Variants in HHIPL1 observed in about 807,000 individuals in gnomAD.
HHIPL1 encodes HHIP-like protein 1.
HHIPL1 carries 43 observed loss-of-function variants against 61.8 expected under a neutral mutation model. The ratio of observed to expected loss-of-function variants is 0.70; its 90% confidence interval spans 0.55 to 0.90. The LOEUF (loss-of-function observed/expected upper bound fraction) is 0.90. Among genes scored for constraint, HHIPL1 ranks in the 40% least tolerant of loss-of-function variants. HHIPL1 has a pLI of 0.00. For missense variants in HHIPL1, 1,056 were observed against 1,157.7 expected (o/e 0.91, Z 1.28); for synonymous variants, 482 against 515.8 (o/e 0.93, Z 0.89).
the HHIPL1 span, among the ~76,000 whole-genome samples, chr14:99,623,267 C>T: frequency 6.6e-6 from 1 of 152,184 alleles, no homozygotes; most frequent in East Asian, 1.9e-4. Flanking sequence ...TGCCTATTAC[C>T]CTTTAAGGCT....
intron 4 of HHIPL1, 88 bp downstream of exon 4, chr14:99,659,844 G>C (rs1156564992): frequency 1.7e-4 from 52 of 308,026 alleles, no homozygotes; most frequent in South Asian, 5.8e-4. Context: ...CTCGGAGACC[G>C]CACCCCCCCC....
At chr14:99,627,094 A>G in the HHIPL1 span, among the ~76,000 whole-genome samples, 3 of 152,012 alleles carry the variant, frequency 2.0e-5, no homozygotes, top group African/African-American at 7.3e-5. The surrounding 1 kb of genome is among the most constrained non-coding windows in gnomAD (Gnocchi z 4.4). Context: ...TCACCCATCC[A>G]TCTATCCAGC....
intron 3 of HHIPL1, 61 bp from the exon 4 acceptor site, chr14:99,659,367 G>A: frequency 7.6e-7 from 1 of 1,311,098 alleles, no homozygotes; most frequent in South Asian, 1.7e-5. Context: ...CTGCCCCGCG[G>A]AGCCCGTGAG....
the HHIPL1 span, among the ~76,000 whole-genome samples, chr14:99,630,699 C>G: frequency 1.3e-5 from 2 of 151,982 alleles, no homozygotes; most frequent in African/African-American, 4.9e-5. Flanking sequence ...CCCGGTCACA[C>G]AGACTCTGTT....
chr14:99,673,365 G>C (rs552685330), intron 8 of HHIPL1, among the ~76,000 whole-genome samples: 1 of 151,276 alleles, frequency 6.6e-6, no homozygotes, highest in Non-Finnish European at 1.5e-5. Context: ...GGATGCCAGA[G>C]CCACAGTGAG....
the HHIPL1 span, among the ~76,000 whole-genome samples, chr14:99,621,636 T>A: frequency 6.6e-6 from 1 of 151,968 alleles, no homozygotes; most frequent in African/African-American, 2.4e-5. Context: ...TTTAGAGAAC[T>A]TCCTGTGGGC....
At chr14:99,611,138 TTTTG>T in the HHIPL1 span, among the ~76,000 whole-genome samples, 3 of 152,174 alleles carry the variant, frequency 2.0e-5, no homozygotes, top group African/African-American at 4.8e-5. Flanking sequence ...TTGTTTCTAG[TTTTG>T]TTTGTTTGTT....
At chr14:99,640,061 C>A in the HHIPL1 span, among the ~76,000 whole-genome samples, 3 of 152,200 alleles carry the variant, frequency 2.0e-5, no homozygotes, top group Non-Finnish European at 4.4e-5. Flanking sequence ...GGATTACCAT[C>A]TACAATATGT....
At chr14:99,640,442 G>A (rs1417639865), upstream of HHIPL1, among the ~76,000 whole-genome samples, 1 of 147,742 alleles carries the variant, frequency 6.8e-6, no homozygotes, top group South Asian at 2.2e-4. Context: ...ACACCATCAC[G>A]CCAAGCTAAT....
At chr14:99,657,644 C>A (rs1434545935) in intron 3 of HHIPL1, among the ~76,000 whole-genome samples, 3 of 152,154 alleles carry the variant, frequency 2.0e-5, no homozygotes, top group Non-Finnish European at 4.4e-5. Context: ...TACCCACTTC[C>A]TGGCTTGAGC....
chr14:99,638,548 C>T, the HHIPL1 span, among the ~76,000 whole-genome samples: 2 of 152,276 alleles, frequency 1.3e-5, no homozygotes, highest in African/African-American at 4.8e-5. Flanking sequence ...CTCCTGGAAA[C>T]GTGGGCAATG....
Position 99,668,818 on chromosome 14 carries a change from G to C in HHIPL1, c.1730+515G>C. 1 of 1,612,820 alleles carries C rather than the reference G, an allele frequency of 6.2e-7. No individual in the cohort carries two copies. The highest frequency in any genetic ancestry group is 8.5e-7 in the Non-Finnish European group (1 of 1,179,942). The stretch of plus-strand genomic sequence containing the variant: ...CTCCCTTCGCCGGCTCCATCTCCCC[G>C]GCTTCCCTTCTAGCTGTAAGGCCAG... On this transcript the variant is annotated intron_variant, in intron 7 of 8. Transcript: ENST00000330710. This position sits in a 1 kb window ranked among gnomAD's most constrained non-coding sequence, Gnocchi z 4.7.
chr14:99,634,436 C>T, the HHIPL1 span, among the ~76,000 whole-genome samples: 5 of 152,152 alleles, frequency 3.3e-5, no homozygotes, highest in Admixed American at 2.6e-4. Flanking sequence ...ATAAATGAAC[C>T]GGGCTTTGGC....
intron 6 of HHIPL1, among the ~76,000 whole-genome samples, chr14:99,665,592 G>T (rs1401830942): frequency 6.6e-6 from 1 of 152,152 alleles, no homozygotes; most frequent in Admixed American, 6.5e-5. Context: ...ATGCAACTAT[G>T]CCTGGCTATT....
At position 99,660,479 on chromosome 14, in the gene HHIPL1, G is replaced by A. The variant is rs1351097408; in HGVS notation, c.1502+73G>A. On this transcript the variant is annotated intron_variant, in intron 5 of 8. Coordinates refer to ENST00000330710, the MANE Select transcript of HHIPL1 (RefSeq NM_001127258.3). This position sits in a 1 kb window ranked among gnomAD's most constrained non-coding sequence, Gnocchi z 4.9. ...TTGGGACTGGCTCCTTGGTAAAGGG[G>A]AGTGTATGTGTGCGCCCGTTCCTGC... 2.0e-6 allele frequency: 3 copies of A among 1,536,220 alleles called. No individual in the cohort carries two copies. The Admixed American group carries it at 5.4e-5, about 28-fold the overall frequency.
intron 1 of HHIPL1, among the ~76,000 whole-genome samples, chr14:99,648,312 C>A (rs959179423): frequency 6.6e-6 from 1 of 152,210 alleles, no homozygotes; most frequent in Admixed American, 6.5e-5. Flanking sequence ...CCCAACAACT[C>A]TATGAGGTTG....
rs1566809803 is a variant in HHIPL1, at chr14:99,656,827, G to GA, written c.903-170dup. Among the ~76,000 whole-genome samples the GA allele has an allele frequency of 4.7e-3, 19 of 4,030 alleles. 3 individuals are homozygous for GA. Among genetic ancestry groups the GA allele is most frequent in the Non-Finnish European group, 0.023 (14 of 614 alleles). 2.6% of individuals were successfully genotyped at this position (4,030 alleles called of 152,430 possible). A position where few individuals can be genotyped will look rare whatever the true frequency, so the allele number is the denominator to read the frequency against. On this transcript the variant is annotated intron_variant, in intron 2 of 8. Transcript: ENST00000330710. ...AGAAAGAAAGAAAGAAAGAAAGAAA[G>GA]AAAGAAAGAAAGGAAGGAAGGAAGG...
At chr14:99,664,039 T>G (rs546974317) in intron 6 of HHIPL1, among the ~76,000 whole-genome samples, 8 of 152,286 alleles carry the variant, frequency 5.3e-5, no homozygotes, top group African/African-American at 1.9e-4. Context: ...TCTAGGCACT[T>G]GTCAATGCAA....
In HHIPL1 at chr14:99,668,059, T is replaced by C. The variant is rs1467315539; in HGVS notation, c.1649-163T>C. On this transcript the variant is annotated intron_variant, in intron 6 of 8. Transcript: ENST00000330710. This position sits in a 1 kb window ranked among gnomAD's most constrained non-coding sequence, Gnocchi z 4.7. Reference sequence around the variant, plus strand: ...ACTCCTCACCCAGCCTCACTTCCTCTTTCTGGGGACTGGACAGCTAGACTG... The same window carrying C: ...ACTCCTCACCCAGCCTCACTTCCTCCTTCTGGGGACTGGACAGCTAGACTG... Among the ~76,000 whole-genome samples the C allele has an allele frequency of 6.6e-6, 1 of 152,140 alleles. No individual in the cohort carries two copies. The highest frequency in any genetic ancestry group is 1.5e-5 in the Non-Finnish European group (1 of 68,024).
Sources: allele counts gnomAD v4.1 joint callset (sites outside exome capture counted in the v4.1 genomes callset), GRCh38; gene constraint gnomAD v4.1.1; non-coding constraint Gnocchi (gnomAD v3.1); transcripts MANE v1.5; gene names NCBI Gene and HGNC (gene_info 2026-07-23, HGNC 2026-07-21).